SLC39A11: variants seen among roughly 807,000 people sequenced by gnomAD.
SLC39A11 encodes zinc transporter ZIP11.
In SLC39A11, 33 loss-of-function variants were observed where a neutral mutation model predicts 36.1. The observed-to-expected ratio is 0.91, with a 90% CI of 0.69 to 1.22. SLC39A11 has a LOEUF of 1.22. Among genes scored for constraint, SLC39A11 ranks in the 50% most tolerant of loss-of-function variants. SLC39A11 has a pLI of 0.00. For missense variants in SLC39A11, 432 were observed against 430.3 expected (o/e 1.00, Z -0.03); for synonymous variants, 166 against 170.3 (o/e 0.97, Z 0.20).
chr17:72,802,806 A>C (rs1410914439), intron 6 of SLC39A11, among the ~76,000 whole-genome samples: 1 of 152,146 alleles, frequency 6.6e-6, no homozygotes, highest in Non-Finnish European at 1.5e-5. Context: ...GCCAGGAGAC[A>C]AAAAGAGGCT....
At chr17:73,062,475 A>AAAAAAAAAAAAAAAAAAAAACC (rs56021607) in intron 3 of SLC39A11, among the ~76,000 whole-genome samples, 7 of 87,034 alleles carry the variant, frequency 8.0e-5, no homozygotes, top group Non-Finnish European at 1.5e-4. Context: ...AAAAAAAAAA[A>AAAAAAAAAAAAAAAAAAAAACC]AAACTTTAGG....
chr17:73,039,228 T>C (rs1169483314), intron 3 of SLC39A11, among the ~76,000 whole-genome samples: 1 of 152,036 alleles, frequency 6.6e-6, no homozygotes, highest in East Asian at 1.9e-4. Flanking sequence ...AACGGGTCAG[T>C]GCTGTTTTGG....
At chr17:72,790,535 C>G (rs2076666314) in intron 6 of SLC39A11, among the ~76,000 whole-genome samples, 2 of 150,750 alleles carry the variant, frequency 1.3e-5, no homozygotes, top group South Asian at 4.2e-4. Context: ...CTCTCTCTCT[C>G]TCTTTTTTTT....
chr17:72,761,197 C>T (rs1005796950), intron 6 of SLC39A11, among the ~76,000 whole-genome samples: 5 of 152,066 alleles, frequency 3.3e-5, no homozygotes, highest in Admixed American at 6.6e-5. Flanking sequence ...TCACTGCAAC[C>T]TCCGCCTCTT....
intron 7 of SLC39A11, among the ~76,000 whole-genome samples, chr17:72,650,569 C>T (rs2069802445): frequency 6.6e-6 from 1 of 152,132 alleles, no homozygotes; most frequent in Non-Finnish European, 1.5e-5. Context: ...TCTACCTTGG[C>T]CGGACAGTTC....
At chr17:72,829,373 C>A (rs2078173036) in intron 6 of SLC39A11, among the ~76,000 whole-genome samples, 1 of 150,426 alleles carries the variant, frequency 6.6e-6, no homozygotes, top group Non-Finnish European at 1.5e-5. Flanking sequence ...GGCCCCCTCA[C>A]AAAGCAGTGG....
intron 7 of SLC39A11, among the ~76,000 whole-genome samples, chr17:72,673,294 G>A (rs1186439406): frequency 2.6e-5 from 4 of 151,928 alleles, no homozygotes; most frequent in African/African-American, 7.3e-5. Context: ...TAGTAGAGAC[G>A]GGGTTTCACC....
intron 6 of SLC39A11, among the ~76,000 whole-genome samples, chr17:72,828,081 A>G (rs769846943): frequency 3.9e-5 from 6 of 152,252 alleles, no homozygotes; most frequent in Non-Finnish European, 7.3e-5. Flanking sequence ...TCTGGCCACA[A>G]CTGTGCCAAA....
chr17:72,696,778 TA>T (rs1409448472), intron 7 of SLC39A11, among the ~76,000 whole-genome samples: 1 of 152,360 alleles, frequency 6.6e-6, no homozygotes, highest in African/African-American at 2.4e-5. Context: ...TAAATCATAT[TA>T]TAAAAAAATA....
intron 6 of SLC39A11, among the ~76,000 whole-genome samples, chr17:72,813,163 A>G (rs1329009860): frequency 6.6e-6 from 1 of 152,170 alleles, no homozygotes; most frequent in Non-Finnish European, 1.5e-5. Context: ...GCTTTTCCTT[A>G]GATTCTCTGA....
At chr17:72,751,031 G>C (rs564355661) in intron 6 of SLC39A11, among the ~76,000 whole-genome samples, 3 of 152,340 alleles carry the variant, frequency 2.0e-5, no homozygotes, top group Non-Finnish European at 4.4e-5. Flanking sequence ...AGGATCACCT[G>C]AGGTCAGGAG....
intron 4 of SLC39A11, among the ~76,000 whole-genome samples, chr17:72,949,192 C>G (rs2085679766): frequency 1.2e-5 from 1 of 80,214 alleles, no homozygotes; most frequent in African/African-American, 3.8e-5. Flanking sequence ...CAGAGTTTCA[C>G]TCTGTCACCT....
chr17:72,648,265 G>A (rs2069662186), intron 9 of SLC39A11, among the ~76,000 whole-genome samples: 1 of 149,210 alleles, frequency 6.7e-6, no homozygotes, highest in African/African-American at 2.5e-5. Context: ...GGGGGGCGGA[G>A]GTTGCAGTGA....
In SLC39A11 at chr17:72,965,525, G is replaced by C. The variant is rs1048973763; in HGVS notation, c.307-17650C>G. Among the ~76,000 whole-genome samples the C allele has an allele frequency of 7.2e-5, 11 of 152,190 alleles. 1 individual carries two copies. Among genetic ancestry groups the C allele is most frequent in the African/African-American group, 2.7e-4 (11 of 41,452 alleles). Reference sequence around the variant, plus strand: ...AACACCTTATTATAAACTAGGCTTTGTGTTAGATGATTTTGCCCAACTGCA... The same window carrying C: ...AACACCTTATTATAAACTAGGCTTTCTGTTAGATGATTTTGCCCAACTGCA... On this transcript the variant is annotated intron_variant, in intron 4 of 9. Coordinates refer to ENST00000255559, the MANE Select transcript of SLC39A11 (RefSeq NM_139177.4).
At chr17:72,875,786 C>G (rs1421854952) in intron 5 of SLC39A11, among the ~76,000 whole-genome samples, 1 of 152,142 alleles carries the variant, frequency 6.6e-6, no homozygotes, top group Non-Finnish European at 1.5e-5. Context: ...GGAGGTGGGA[C>G]TTGATTCCAA....
chr17:73,002,420 C>G (rs949612889), intron 4 of SLC39A11, among the ~76,000 whole-genome samples: 3 of 152,164 alleles, frequency 2.0e-5, no homozygotes, highest in Non-Finnish European at 4.4e-5. Flanking sequence ...AACTCTGGTG[C>G]CTCTTAAACC....
chr17:72,699,169 C>A (rs2072484330), intron 7 of SLC39A11, among the ~76,000 whole-genome samples: 1 of 152,084 alleles, frequency 6.6e-6, no homozygotes, highest in African/African-American at 2.4e-5. Flanking sequence ...TCACTCTAGA[C>A]CATGGGTGTC....
chr17:73,088,674 C>T lies in SLC39A11; in HGVS notation c.91G>A (p.Val31Ile), dbSNP rs145169937. ...MTAAGAALVF[V>I]FSSGQRRILD... The stretch of plus-strand genomic sequence containing the variant: ...CAACTCACCTGTCCACTAGAGAATA[C>T]GAACACGAGAGCTGCCCCAGCTGCT... Residue 31 changes from valine to isoleucine, a missense_variant, in exon 2 of 10, where the codon GTA becomes ATA. Transcript: ENST00000255559. 1.9e-4 allele frequency: 310 copies of T among 1,612,082 alleles called. No homozygotes were observed. Among genetic ancestry groups the T allele is most frequent in the Non-Finnish European group, 2.5e-4 (299 of 1,179,060 alleles).
intron 3 of SLC39A11, among the ~76,000 whole-genome samples, chr17:73,076,130 C>A: frequency 6.6e-6 from 1 of 150,658 alleles, no homozygotes; most frequent in Non-Finnish European, 1.5e-5. Context: ...TTAATGGTAA[C>A]CACTCTCCTA....
Sources: gnomAD v4.1 joint callset for allele counts (sites outside exome capture counted in the v4.1 genomes callset) on GRCh38, gnomAD v4.1.1 for gene constraint, MANE v1.5 for transcripts, NCBI Gene and HGNC (gene_info 2026-07-23, HGNC 2026-07-21) for gene names.